NCAM2: variants seen among roughly 807,000 people sequenced by gnomAD.
NCAM2 encodes N-CAM-2.
A neutral mutation model predicts 98.1 loss-of-function variants in NCAM2; 30 were observed. The ratio of observed to expected loss-of-function variants is 0.31; its 90% CI spans 0.23 to 0.41. NCAM2 has a LOEUF of 0.41. Ranked by LOEUF, NCAM2 falls within the 10% of genes least tolerant of loss-of-function variation. The probability of loss-of-function intolerance (pLI) is 1.00; values close to 1 mark genes in which losing one functional copy is unlikely to be tolerated. For synonymous variants in NCAM2, 368 were observed against 342.4 expected (o/e 1.07, Z -0.83); for missense variants, 867 against 1,005.8 (o/e 0.86, Z 1.87).
chr21:21,338,142 T>A (rs1312699439), intron 7 of NCAM2, among the ~76,000 whole-genome samples: 2 of 152,150 alleles, frequency 1.3e-5, no homozygotes, highest in Non-Finnish European at 2.9e-5. Context: ...ATAATTTGGA[T>A]GTTGGTTTCT....
intron 5 of NCAM2, among the ~76,000 whole-genome samples, chr21:21,320,436 C>G (rs2074347533): frequency 1.3e-5 from 2 of 151,904 alleles, no homozygotes; most frequent in Admixed American, 6.6e-5. Flanking sequence ...GAAAAGTATT[C>G]TCATTAAATA....
intron 1 of NCAM2, among the ~76,000 whole-genome samples, chr21:21,216,674 T>C (rs1014966665): frequency 2.6e-5 from 4 of 152,168 alleles, no homozygotes; most frequent in Non-Finnish European, 5.9e-5. Flanking sequence ...GCTTATCAAT[T>C]ATATCTCATC....
chr21:21,229,762 C>T (rs1031648993), intron 1 of NCAM2, among the ~76,000 whole-genome samples: 2 of 151,252 alleles, frequency 1.3e-5, no homozygotes, highest in African/African-American at 2.4e-5. Context: ...TGAATCCATT[C>T]TTGTATCAGT....
chr21:21,492,584 A>G (rs1251598396), intron 15 of NCAM2, among the ~76,000 whole-genome samples: 1 of 151,850 alleles, frequency 6.6e-6, no homozygotes, highest in African/African-American at 2.4e-5. Flanking sequence ...ACCTTACTAA[A>G]TTACTTATTT....
At chr21:21,253,797 G>T (rs2071560243) in intron 1 of NCAM2, among the ~76,000 whole-genome samples, 1 of 152,140 alleles carries the variant, frequency 6.6e-6, no homozygotes, top group Admixed American at 6.5e-5. Context: ...TGAACTTGTA[G>T]ATATCAGGGA....
intron 1 of NCAM2, among the ~76,000 whole-genome samples, chr21:21,228,018 A>C (rs1052326942): frequency 1.3e-5 from 2 of 151,806 alleles, no homozygotes; most frequent in Non-Finnish European, 3.0e-5. Flanking sequence ...ACTGAAGGTC[A>C]ATCACAGGTA....
chr21:21,146,559 A>G (rs976186605), intron 1 of NCAM2, among the ~76,000 whole-genome samples: 14 of 144,698 alleles, frequency 9.7e-5, no homozygotes, highest in African/African-American at 3.5e-4. Flanking sequence ...ATATATATGT[A>G]TATATATATA....
intron 1 of NCAM2, among the ~76,000 whole-genome samples, chr21:21,146,813 T>C (rs1345891147): frequency 6.6e-6 from 1 of 152,110 alleles, no homozygotes; most frequent in East Asian, 1.9e-4. Context: ...ATGAGGAACA[T>C]GAACTATCAT....
At chr21:21,165,506 A>G (rs1342106634) in intron 1 of NCAM2, among the ~76,000 whole-genome samples, 1 of 152,174 alleles carries the variant, frequency 6.6e-6, no homozygotes, top group African/African-American at 2.4e-5. Flanking sequence ...CAGGGCCTCA[A>G]GCATACATAA....
chr21:21,459,687 C>G (rs1305599854), intron 12 of NCAM2, among the ~76,000 whole-genome samples: 1 of 151,372 alleles, frequency 6.6e-6, no homozygotes, highest in South Asian at 2.1e-4. Context: ...GAATCATACT[C>G]ATAGAAGCAG....
chr21:21,415,429 G>A (rs1201658714), intron 10 of NCAM2, among the ~76,000 whole-genome samples: 2 of 142,164 alleles, frequency 1.4e-5, no homozygotes, highest in Non-Finnish European at 3.0e-5. Context: ...TCTGCCTCCC[G>A]GGTTCACACC....
At chr21:21,022,729 G>T (rs937109301) in intron 1 of NCAM2, among the ~76,000 whole-genome samples, 3 of 151,924 alleles carry the variant, frequency 2.0e-5, no homozygotes, top group Non-Finnish European at 4.4e-5. Flanking sequence ...ATAATAATGA[G>T]TTTTTTTAAT....
At chr21:21,321,824 G>T (rs535409789) in intron 5 of NCAM2, among the ~76,000 whole-genome samples, 1 of 152,116 alleles carries the variant, frequency 6.6e-6, no homozygotes, top group Non-Finnish European at 1.5e-5. Flanking sequence ...AACAGGTGCC[G>T]TCAAGACTTC....
intron 1 of NCAM2, among the ~76,000 whole-genome samples, chr21:21,095,367 G>A: frequency 6.6e-6 from 1 of 151,424 alleles, no homozygotes; most frequent in East Asian, 1.9e-4. Context: ...TATTGATTAT[G>A]GTAAATGTAT....
Position 21,256,305 on chromosome 21 carries a change from G to A in NCAM2, c.56-24273G>A, listed in dbSNP as rs187805695. ...TGGGAAGCAGAAGTTGCAGTGAGCC[G>A]AGATCACGCCATTGCACTCCAGCCT... On this transcript the variant is annotated intron_variant, in intron 1 of 17. Coordinates refer to ENST00000400546, the MANE Select transcript of NCAM2 (RefSeq NM_004540.5). Among the ~76,000 whole-genome samples the A allele has an allele frequency of 2.1e-4, 32 of 152,206 alleles. No individual in the cohort carries two copies. In the South Asian group the frequency reaches 3.5e-3, roughly 17 times the overall value.
At chr21:21,269,673 C>T (rs1414118441) in intron 1 of NCAM2, among the ~76,000 whole-genome samples, 2 of 152,124 alleles carry the variant, frequency 1.3e-5, no homozygotes, top group Non-Finnish European at 2.9e-5. Flanking sequence ...TATATTCTCA[C>T]ATTAATGGTA....
At chr21:21,300,310 C>T (rs1469571090) in intron 5 of NCAM2, among the ~76,000 whole-genome samples, 1 of 151,928 alleles carries the variant, frequency 6.6e-6, no homozygotes, top group Non-Finnish European at 1.5e-5. Context: ...AATGAGGCAC[C>T]TCAAAGAGAC....
At chr21:21,334,649 GA>G (rs2147856508) in intron 6 of NCAM2, among the ~76,000 whole-genome samples, 1 of 151,480 alleles carries the variant, frequency 6.6e-6, no homozygotes, top group African/African-American at 2.4e-5. Context: ...GAGAAAAGAG[GA>G]AAAAAGATGA....
intron 15 of NCAM2, among the ~76,000 whole-genome samples, chr21:21,485,863 C>A (rs996447187): frequency 2.0e-5 from 3 of 152,122 alleles, no homozygotes; most frequent in Non-Finnish European, 4.4e-5. Flanking sequence ...GCTACAGAAT[C>A]TTTTCATATG....
Sources: allele counts gnomAD v4.1 joint callset (sites outside exome capture counted in the v4.1 genomes callset), GRCh38; gene constraint gnomAD v4.1.1; transcripts MANE v1.5; gene names NCBI Gene and HGNC (gene_info 2026-07-23, HGNC 2026-07-21).